Variants in PCNX3 observed in about 807,000 individuals in gnomAD.
PCNX3 encodes the protein pecanex 3, also known as pecanex-like protein 3.
A neutral mutation model predicts 207.2 loss-of-function variants in PCNX3; 58 were observed. The observed-to-expected ratio is 0.28, with a 90% confidence interval of 0.23 to 0.35. The LOEUF is 0.35. PCNX3 is among the 10% of genes least tolerant of loss of function. The pLI, the probability that PCNX3 is intolerant of heterozygous loss-of-function variation, is 1.00. For synonymous variants in PCNX3, 1,337 were observed against 1,183.5 expected (o/e 1.13, Z -2.66); for missense variants, 2,410 against 2,774.4 (o/e 0.87, Z 2.95).
Position 65,627,594 on chromosome 11 carries a change from G to T in PCNX3, c.3702+12G>T. On this transcript the variant is annotated intron_variant, in intron 22 of 34. Transcript: ENST00000355703. ...TGCTTTGCAGCAAGGTGAGTTGGTG[G>T]CTGTGGCCCAGACCCCAGGCTGTCC... is the stretch of plus-strand genomic sequence containing the variant. 1 of 1,613,350 alleles carries T rather than the reference G, an allele frequency of 6.2e-7. No individual in the cohort carries two copies. Among genetic ancestry groups the T allele is most frequent in the Non-Finnish European group, 8.5e-7 (1 of 1,179,584 alleles).
In PCNX3 at chr11:65,624,991, A is replaced by G. The variant is rs1855305887; in HGVS notation, c.2894A>G (p.Tyr965Cys). ...AGCCTGCTGGCTGCTGCCCTGCTCT[A>G]CGGTTTCTGCCTTGGGGCCATCAAG... Reference protein sequence around the residue: ...SRSLLAAALLYGFCLGAIKTP... With the variant: ...SRSLLAAALLCGFCLGAIKTP... The change falls in exon 16 of 35, where the codon TAC becomes TGC. Residue 965 changes from tyrosine (Y) to cysteine (C), a missense_variant. Physicochemically the swap from Tyr to Cys is radical, Grantham distance 194. This residue lies in a region of PCNX3 where 333 missense variants were observed against 386.8 expected (regional missense o/e 0.86). Coordinates refer to ENST00000355703, the MANE Select transcript of PCNX3 (RefSeq NM_032223.4). 2 of 1,612,464 alleles carry G rather than the reference A, an allele frequency of 1.2e-6. No individual in the cohort carries two copies. Among genetic ancestry groups the G allele is most frequent in the South Asian group, 1.1e-5 (1 of 90,962 alleles).
In PCNX3 at chr11:65,624,810, G is replaced by T. The variant is rs546123586; in HGVS notation, c.2828-115G>T. ...GGCTTGGGGCAGCAGAGAACAATGG[G>T]CTGGGGGTGCCTTTCCAGGGAGGCC... On this transcript the variant is annotated intron_variant, in intron 15 of 34. Coordinates refer to ENST00000355703, the MANE Select transcript of PCNX3 (RefSeq NM_032223.4). 1.6e-5 allele frequency: 18 copies of T among 1,119,392 alleles called. No individual in the cohort carries two copies. The East Asian group carries it at 4.5e-4, about 28-fold the overall frequency. The allele number at this position is 1,119,392 out of a possible 1,614,324, so 69.3% of individuals were successfully genotyped here.
Position 65,616,176 on chromosome 11 carries a change from C to T in PCNX3, c.-136C>T. On this transcript the variant is annotated 5_prime_UTR_variant, in exon 1 of 35. Coordinates refer to ENST00000355703, the MANE Select transcript of PCNX3 (RefSeq NM_032223.4). Reference sequence around the variant, plus strand: ...TCGCACCCTCGCGCGGCCGAGCCCCCCTCCCCCGCTGGGGGAGGCCATGGC... The same window carrying T: ...TCGCACCCTCGCGCGGCCGAGCCCCTCTCCCCCGCTGGGGGAGGCCATGGC... The T allele has an allele frequency of 1.6e-6, 1 of 635,340 alleles. No individual in the cohort carries two copies. Among genetic ancestry groups the T allele is most frequent in the African/African-American group, 1.9e-5 (1 of 51,884 alleles). The allele number at this position is 635,340 out of a possible 1,614,324, so 39.4% of individuals were successfully genotyped here.
Position 65,618,350 on chromosome 11 carries a change from C to A in PCNX3, c.988C>A (p.Pro330Thr). Reference protein sequence around the residue: ...STHLDSPPGGPAPEGSDTDPP... With the variant: ...STHLDSPPGGTAPEGSDTDPP... Reference sequence around the variant, plus strand: ...CCATCTGGACAGCCCCCCAGGGGGGCCAGCCCCTGAGGGCAGCGACACAGA... The same window carrying A: ...CCATCTGGACAGCCCCCCAGGGGGGACAGCCCCTGAGGGCAGCGACACAGA... The change falls in exon 6 of 35, where the codon CCA becomes ACA. Residue 330 changes from proline (P) to threonine (T), a missense_variant. Coordinates refer to ENST00000355703, the MANE Select transcript of PCNX3 (RefSeq NM_032223.4). 1 of 1,612,128 alleles carries A rather than the reference C, an allele frequency of 6.2e-7. No homozygotes were observed. The highest frequency in any genetic ancestry group is 8.5e-7 in the Non-Finnish European group (1 of 1,179,404).
At chr11:65,624,853 G>C in intron 15 of PCNX3, 72 bp from the exon 16 acceptor site, 1 of 1,443,312 alleles carries the variant, frequency 6.9e-7, no homozygotes, top group Non-Finnish European at 9.5e-7. Context: ...GGGAGTTGAG[G>C]GGAAGCGCGG....
In PCNX3 at chr11:65,636,789, C is replaced by A; in HGVS notation, c.5916C>A (p.Ser1972Arg). Reference protein sequence around the residue: ...KSQAPLDLSLSLSLSLSPDVS... With the variant: ...KSQAPLDLSLRLSLSLSPDVS... ...AGGCGCCTCTAGACCTCAGCCTCAG[C>A]CTCAGCCTCAGCCTCAGCCCCGATG... Residue 1972 changes from serine to arginine, a missense_variant, in exon 35 of 35, where the codon AGC becomes AGA. Physicochemically the swap from Ser to Arg is moderately radical, Grantham distance 110 (BLOSUM62 -1). This residue lies in a region of PCNX3 where 278 missense variants were observed against 245.1 expected (regional missense o/e 1.13). Transcript: ENST00000355703. The A allele has an allele frequency of 6.5e-7, 1 of 1,545,286 alleles. No individual in the cohort carries two copies. The highest frequency in any genetic ancestry group is 8.7e-7 in the Non-Finnish European group (1 of 1,146,570).
At position 65,617,343 on chromosome 11, in the gene PCNX3, G is replaced by C; in HGVS notation, c.435G>C (p.Gln145His). 1 of 1,613,294 alleles carries C rather than the reference G, an allele frequency of 6.2e-7. No individual in the cohort carries two copies. The highest frequency in any genetic ancestry group is 8.5e-7 in the Non-Finnish European group (1 of 1,179,650). The change falls in exon 3 of 35, where the codon CAG becomes CAC. Residue 145 changes from glutamine to histidine, a missense_variant. Around this residue, in one of 8 missense-constraint regions of PCNX3, gnomAD observed 1,104 missense variants for 970.3 expected, o/e 1.14. Coordinates refer to ENST00000355703, the MANE Select transcript of PCNX3 (RefSeq NM_032223.4). ...SSQHSVFGFNQVSELLPRMED... is the reference protein window; with the variant it reads ...SSQHSVFGFNHVSELLPRMED... ...AGCACTCTGTGTTTGGCTTCAACCA[G>C]GTCTCGGTGAGTGGGCCTGGACCTC...
At chr11:65,630,271 T>G in intron 26 of PCNX3, 80 bp from the exon 27 acceptor site, 1 of 1,524,590 alleles carries the variant, frequency 6.6e-7, no homozygotes, top group South Asian at 1.2e-5. Flanking sequence ...AGGCCTCTGA[T>G]GCCATGTTGG....
At chr11:65,620,755 C>A in intron 9 of PCNX3, 76 bp from the exon 10 acceptor site, 1 of 1,543,206 alleles carries the variant, frequency 6.5e-7, no homozygotes, top group African/African-American at 1.4e-5. Context: ...ACCTGCCTGG[C>A]CTTGGCCTCG....
intron 27 of PCNX3, among the ~76,000 whole-genome samples, chr11:65,630,857 G>A (rs545856517): frequency 2.7e-4 from 41 of 152,338 alleles, no homozygotes; most frequent in Admixed American, 1.2e-3. Flanking sequence ...GGGGCAGGTG[G>A]GCAGTTGCAG....
chr11:65,636,376 A>T lies in PCNX3; in HGVS notation c.5594-15A>T, dbSNP rs1855840295. On this transcript the variant is annotated splice_polypyrimidine_tract_variant and intron_variant, in intron 33 of 34. Transcript: ENST00000355703. ...GCCCAGCTGAGGCCTCTGCTGTCTTATCTGTCTCCTACAGGCAATGGTGAC... is the reference window on the plus strand; with the variant it reads ...GCCCAGCTGAGGCCTCTGCTGTCTTTTCTGTCTCCTACAGGCAATGGTGAC... 6.3e-7 allele frequency: 1 copy of T among 1,580,958 alleles called. No individual in the cohort carries two copies. Among genetic ancestry groups the T allele is most frequent in the Non-Finnish European group, 8.6e-7 (1 of 1,162,828 alleles).
chr11:65,621,072 G>C, intron 10 of PCNX3, 106 bp downstream of exon 10: 5 of 1,409,368 alleles, frequency 3.5e-6, no homozygotes, highest in Non-Finnish European at 4.7e-6. Flanking sequence ...CAGGAGGGAC[G>C]GGCAGTGCTG....
chr11:65,617,389 T>C lies in PCNX3; in HGVS notation c.441+40T>C, dbSNP rs766444239. ...ACCTCAGCTTGTCCTCCTGTCCCTC[T>C]GCGAGCCAGTCCCTACTGTGGGTGC... On this transcript the variant is annotated intron_variant, in intron 3 of 34. Coordinates refer to ENST00000355703, the MANE Select transcript of PCNX3 (RefSeq NM_032223.4). 12 of 1,613,212 alleles carry C rather than the reference T, an allele frequency of 7.4e-6. No homozygotes were observed. In the African/African-American group the frequency reaches 1.5e-4, roughly 20 times the overall value.
chr11:65,618,253 C>G lies in PCNX3; in HGVS notation c.891C>G (p.Ser297=). 6.2e-7 allele frequency: 1 copy of G among 1,609,962 alleles called. No homozygotes were observed. The highest frequency in any genetic ancestry group is 1.3e-5 in the African/African-American group (1 of 74,920). ...AGCCCACGCCCCAGAAAGCCGGCTC[C>G]TCAGACTCCTGCTTCAGCGGCACTG... The part of the protein sequence containing the change: ...SGEPTPQKAG[S]SDSCFSGTDR... Residue 297 remains serine, a synonymous_variant, in exon 6 of 35, where the codon TCC becomes TCG. Transcript: ENST00000355703.
chr11:65,622,452 TG>T, intron 11 of PCNX3, 86 bp downstream of exon 11: 1 of 1,437,540 alleles, frequency 7.0e-7, no homozygotes, highest in Non-Finnish European at 9.3e-7. Context: ...GAGGCAGTCA[TG>T]GCAGCAGAGA....
intron 8 of PCNX3, 74 bp from the exon 9 acceptor site, chr11:65,620,265 C>T (rs1359363568): frequency 2.1e-6 from 3 of 1,421,784 alleles, no homozygotes; most frequent in East Asian, 2.4e-5. Flanking sequence ...TTTGATGGGT[C>T]TGGTGCCCAC....
At chr11:65,633,363 C>T (rs1178859920) in intron 27 of PCNX3, among the ~76,000 whole-genome samples, 2 of 152,220 alleles carry the variant, frequency 1.3e-5, no homozygotes, top group Non-Finnish European at 2.9e-5. Context: ...TTTTCTGAGG[C>T]GAGGCCTGAT....
chr11:65,622,385 T>C lies in PCNX3; in HGVS notation c.2357+19T>C. On this transcript the variant is annotated intron_variant, in intron 11 of 34. Transcript: ENST00000355703. ...TGGACCGGTGAGTGTCCCGCAGCCT[T>C]GGCCCCCAATTCTTGGAAAGCCCCT... 6.3e-7 allele frequency: 1 copy of C among 1,584,648 alleles called. No individual in the cohort carries two copies. The highest frequency in any genetic ancestry group is 8.6e-7 in the Non-Finnish European group (1 of 1,168,438).
chr11:65,617,149 T>C (rs1854781008), intron 2 of PCNX3, 101 bp from the exon 3 acceptor site: 2 of 1,406,084 alleles, frequency 1.4e-6, no homozygotes, highest in African/African-American at 2.9e-5. Flanking sequence ...GCCCTGGAAT[T>C]GTAAAGTGAC....
Sources: gnomAD v4.1 joint callset for allele counts (sites outside exome capture counted in the v4.1 genomes callset) on GRCh38, gnomAD v4.1.1 for gene constraint, gnomAD v4.1.1 regional missense constraint, MANE v1.5 for transcripts, NCBI Gene and HGNC (gene_info 2026-07-23, HGNC 2026-07-21) for gene names.